The following TSPAN18 variants were observed in gnomAD, a reference collection of about 807,000 sequenced individuals.
The protein encoded by TSPAN18 is tetraspanin-18.
Under a neutral mutation model 27.3 loss-of-function variants are expected in TSPAN18, and 14 were observed. The ratio of observed to expected loss-of-function variants is 0.51; its 90% confidence interval spans 0.34 to 0.80. The LOEUF (loss-of-function observed/expected upper bound fraction) is 0.80, where lower values mean the gene tolerates loss of function less well. Among genes scored for constraint, TSPAN18 ranks in the 30% least tolerant of loss-of-function variants. TSPAN18 has a pLI of 0.01. For synonymous variants in TSPAN18, 143 were observed against 136.5 expected, an observed-to-expected ratio of 1.05 and a Z score of -0.33; for missense variants, 268 against 323.9, an observed-to-expected ratio of 0.83 and a Z score of 1.32.
At chr11:44,732,923 C>T (rs967813355) in intron 1 of TSPAN18, among the ~76,000 whole-genome samples, 1 of 152,194 alleles carries the variant, frequency 6.6e-6, no homozygotes, top group Non-Finnish European at 1.5e-5. Context: ...CTGTTCCACA[C>T]GGTCACTCAG....
chr11:44,907,870 C>A (rs1859511960), intron 4 of TSPAN18, among the ~76,000 whole-genome samples: 1 of 151,884 alleles, frequency 6.6e-6, no homozygotes, highest in South Asian at 2.1e-4. Flanking sequence ...ACCTGGCCAA[C>A]ATGTTGAAAC....
chr11:44,876,846 G>A (rs1343229152), intron 3 of TSPAN18, among the ~76,000 whole-genome samples: 1 of 152,160 alleles, frequency 6.6e-6, no homozygotes, highest in Admixed American at 6.5e-5. Context: ...GAGACTCTCA[G>A]CTTCTGGGCA....
intron 1 of TSPAN18, among the ~76,000 whole-genome samples, chr11:44,732,315 A>C (rs4498981): frequency 0.13 from 19,532 of 152,200 alleles, 2,526 homozygotes; most frequent in East Asian, 0.69. Flanking sequence ...ACAATACTTC[A>C]TCCTGTCTCC....
intron 2 of TSPAN18, among the ~76,000 whole-genome samples, chr11:44,776,527 A>G (rs1434693061): frequency 6.6e-6 from 1 of 152,194 alleles, no homozygotes; most frequent in Non-Finnish European, 1.5e-5. Context: ...AAGGGAAAAT[A>G]GCACCTCTCC....
At chr11:44,810,067 C>T (rs773046960) in intron 2 of TSPAN18, among the ~76,000 whole-genome samples, 1 of 152,132 alleles carries the variant, frequency 6.6e-6, no homozygotes, top group African/African-American at 2.4e-5. Flanking sequence ...CCGTATTACC[C>T]GTTTGCCTTC....
chr11:44,890,242 T>C (rs1858798686), intron 3 of TSPAN18, among the ~76,000 whole-genome samples: 1 of 152,224 alleles, frequency 6.6e-6, no homozygotes, highest in Non-Finnish European at 1.5e-5. Context: ...GGGGTCCATG[T>C]ATTCCATAGA....
intron 1 of TSPAN18, among the ~76,000 whole-genome samples, chr11:44,734,777 TC>T (rs1854748124): frequency 1.3e-5 from 2 of 152,054 alleles, no homozygotes; most frequent in Non-Finnish European, 2.9e-5. Flanking sequence ...TGAGAGAGGC[TC>T]CCCCACCCCA....
In TSPAN18 at chr11:44,929,941, C is replaced by T. The variant is rs76708620; in HGVS notation, c.*763C>T. On this transcript the variant is annotated 3_prime_UTR_variant, in exon 10 of 10. Coordinates refer to ENST00000520358, the MANE Select transcript of TSPAN18 (RefSeq NM_130783.5). Reference sequence around the variant, plus strand: ...ACATGCACCCCTGGCCTCAGCATCCCGGTTCCCCCAGACAAGAGAGGGCAA... The same window carrying T: ...ACATGCACCCCTGGCCTCAGCATCCTGGTTCCCCCAGACAAGAGAGGGCAA... 720 of 152,502 alleles carry T rather than the reference C, an allele frequency of 4.7e-3. 25 individuals carry two copies. In the East Asian group the frequency reaches 0.092, roughly 19 times the overall value. 9.4% of individuals were successfully genotyped at this position (152,502 alleles called of 1,614,324 possible). A position where few individuals can be genotyped will look rare whatever the true frequency, so the allele number is the denominator to read the frequency against.
chr11:44,841,102 G>A (rs913706497), intron 2 of TSPAN18, among the ~76,000 whole-genome samples: 16 of 152,180 alleles, frequency 1.1e-4, no homozygotes, highest in Non-Finnish European at 4.4e-5. Context: ...AAGATTTATT[G>A]AGTGTCTACT....
chr11:44,764,284 T>C (rs904160096), intron 1 of TSPAN18, 142 bp from the exon 2 acceptor site: 10 of 152,262 alleles, frequency 6.6e-5, no homozygotes, highest in Admixed American at 3.3e-4. Flanking sequence ...TCACCAGTCA[T>C]GGGTGCCCCG....
chr11:44,873,933 C>T (rs915199105), intron 3 of TSPAN18, among the ~76,000 whole-genome samples: 1 of 152,184 alleles, frequency 6.6e-6, no homozygotes, highest in African/African-American at 2.4e-5. Context: ...CCCAGGCTGG[C>T]ATAGCTAGGT....
chr11:44,919,883 C>T lies in TSPAN18; in HGVS notation c.499C>T (p.Leu167=), dbSNP rs753250500. 2 of 1,614,234 alleles carry T rather than the reference C, an allele frequency of 1.2e-6. No homozygotes were observed. The highest frequency in any genetic ancestry group is 3.3e-5 in the Admixed American group (2 of 60,026). Residue 167 remains leucine (L), a synonymous_variant, in exon 8 of 10, where the codon CTG becomes TTG. Transcript: ENST00000520358. The part of the protein sequence containing the change: ...KFASVFRLLT[L]DSEEVPEACC... ...TGCATCTGTGTTTCGACTCCTGACC[C>T]TGGATAGTGAAGAGGTGCCGGAGGC...
chr11:44,854,636 G>GCA (rs1051962396), intron 2 of TSPAN18, among the ~76,000 whole-genome samples: 1 of 152,170 alleles, frequency 6.6e-6, no homozygotes, highest in Non-Finnish European at 1.5e-5. Context: ...CCCGGTACCA[G>GCA]CACAGCACAC....
intron 6 of TSPAN18, among the ~76,000 whole-genome samples, chr11:44,918,664 C>T (rs1860006466): frequency 1.3e-5 from 2 of 152,122 alleles, no homozygotes; most frequent in African/African-American, 2.4e-5. Context: ...GAGGCCACCA[C>T]AGCCTGTGAG....
At chr11:44,906,773 G>A (rs1012499651) in intron 4 of TSPAN18, among the ~76,000 whole-genome samples, 3 of 152,212 alleles carry the variant, frequency 2.0e-5, no homozygotes, top group Non-Finnish European at 4.4e-5. Context: ...GACCCCTCGT[G>A]GAGAGTGGGA....
intron 2 of TSPAN18, among the ~76,000 whole-genome samples, chr11:44,848,202 G>C (rs1020909441): frequency 3.3e-5 from 5 of 152,202 alleles, no homozygotes; most frequent in African/African-American, 4.8e-5. Flanking sequence ...AGGATGAGGG[G>C]CAGGGGTCTC....
chr11:44,790,289 A>G (rs529755114), intron 2 of TSPAN18, among the ~76,000 whole-genome samples: 76 of 135,886 alleles, frequency 5.6e-4, no homozygotes, highest in Non-Finnish European at 8.5e-4. Context: ...GTGTTCGTGT[A>G]TGTGCATGTG....
intron 3 of TSPAN18, among the ~76,000 whole-genome samples, chr11:44,862,407 T>C (rs547344993): frequency 6.6e-6 from 1 of 152,302 alleles, no homozygotes; most frequent in Admixed American, 6.5e-5. Context: ...CCTCCCCCAG[T>C]CTCTCTCGCT....
At chr11:44,860,694 A>T (rs1214349744) in intron 3 of TSPAN18, among the ~76,000 whole-genome samples, 1 of 152,180 alleles carries the variant, frequency 6.6e-6, no homozygotes, top group Non-Finnish European at 1.5e-5. Context: ...TTAGCCAAGA[A>T]GATAACCCTC....
Sources: gnomAD v4.1 joint callset for allele counts (sites outside exome capture counted in the v4.1 genomes callset) on GRCh38, gnomAD v4.1.1 for gene constraint, MANE v1.5 for transcripts, NCBI Gene and HGNC (gene_info 2026-07-23, HGNC 2026-07-21) for gene names.